The following SRGAP2 variants were observed in gnomAD, a reference collection of about 807,000 sequenced individuals.
The protein encoded by SRGAP2 is SLIT-ROBO Rho GTPase activating protein 2.
Under a neutral mutation model 57.2 loss-of-function variants are expected in SRGAP2, and 15 were observed. The ratio of observed to expected loss-of-function variants is 0.26; its 90% confidence interval spans 0.18 to 0.40. The LOEUF (loss-of-function observed/expected upper bound fraction) is 0.40, where lower values mean the gene tolerates loss of function less well. Among genes scored for constraint, SRGAP2 ranks in the 10% least tolerant of loss-of-function variants. The pLI is 1.00. For missense variants in SRGAP2, 520 were observed against 669.6 expected, an observed-to-expected ratio of 0.78 and a Z score of 2.47; for synonymous variants, 249 against 248.0, an observed-to-expected ratio of 1.00 and a Z score of -0.04.
At chr1:206,357,154 G>C (rs1334595426) in intron 4 of SRGAP2, among the ~76,000 whole-genome samples, 1 of 146,020 alleles carries the variant, frequency 6.8e-6, no homozygotes, top group Non-Finnish European at 1.5e-5. Context: ...TTTTATTTCA[G>C]TTTTCCTTTA....
chr1:206,411,755 G>C (rs1659245149), intron 10 of SRGAP2, among the ~76,000 whole-genome samples: 1 of 152,152 alleles, frequency 6.6e-6, no homozygotes, highest in Admixed American at 6.5e-5. Context: ...AAAGGGAAGA[G>C]GTTTTTAAAA....
Position 206,346,980 on chromosome 1 carries a change from G to A in SRGAP2, c.423+3972G>A, listed in dbSNP as rs200736504. On this transcript the variant is annotated intron_variant, in intron 4 of 22. Coordinates refer to ENST00000573034, the MANE Select transcript of SRGAP2 (RefSeq NM_015326.5). The stretch of plus-strand genomic sequence containing the variant: ...AAGCAGGCCAGGCACAGTGGCTCAA[G>A]CCTGTAATCCCAGCCCTTTGGGAGG... Among the ~76,000 whole-genome samples, 95 of 151,298 alleles carry A rather than the reference G, an allele frequency of 6.3e-4. 2 individuals are homozygous for A. In the East Asian group the frequency reaches 0.017, roughly 27 times the overall value.
chr1:206,242,267 GTTGTAC>G (rs1668283168), intron 2 of SRGAP2, among the ~76,000 whole-genome samples: 1 of 151,256 alleles, frequency 6.6e-6, no homozygotes, highest in Non-Finnish European at 1.5e-5. Flanking sequence ...TGATGGTTCT[GTTGTAC>G]TTGTAAGGAA....
chr1:206,278,415 G>C (rs1670544171), intron 2 of SRGAP2, among the ~76,000 whole-genome samples: 1 of 137,290 alleles, frequency 7.3e-6, no homozygotes, highest in Admixed American at 7.4e-5. Flanking sequence ...GTGGCACCAT[G>C]ATAGCTCATT....
At position 206,414,406 on chromosome 1, in the gene SRGAP2, A is replaced by C. The variant is rs1271975895; in HGVS notation, c.1357-1483A>C. On this transcript the variant is annotated intron_variant, in intron 10 of 22. Transcript: ENST00000573034. ...CCATGAAATCAAAGGTTTGATGTAT[A>C]ATTATATGTTTTACTTAATATACAT... 5.9e-5 allele frequency among the ~76,000 whole-genome samples: 9 copies of C among 152,292 alleles called. No homozygotes were observed. In the East Asian group the frequency reaches 1.5e-3, roughly 26 times the overall value.
At chr1:206,364,510 A>G (rs1276957132) in intron 4 of SRGAP2, among the ~76,000 whole-genome samples, 1 of 152,128 alleles carries the variant, frequency 6.6e-6, no homozygotes, top group Non-Finnish European at 1.5e-5. Context: ...TATGTTGGCC[A>G]GGCTAGTCTC....
intron 2 of SRGAP2, among the ~76,000 whole-genome samples, chr1:206,278,058 T>A (rs1324778384): frequency 6.6e-6 from 1 of 152,098 alleles, no homozygotes; most frequent in East Asian, 1.9e-4. Flanking sequence ...GATATACTTA[T>A]ATGTTTTACA....
At chr1:206,430,269 G>T (rs781802461) in intron 14 of SRGAP2, 47 bp downstream of exon 14, 3 of 779,306 alleles carry the variant, frequency 3.8e-6, no homozygotes, top group Admixed American at 3.4e-5. Flanking sequence ...AGATTGGGAA[G>T]AACTTCCAGG....
At chr1:206,432,305 G>C (rs1216984006) in intron 14 of SRGAP2, among the ~76,000 whole-genome samples, 1 of 152,150 alleles carries the variant, frequency 6.6e-6, no homozygotes, top group Admixed American at 6.6e-5. Context: ...GGGGAAACAG[G>C]CACATTTATA....
intron 5 of SRGAP2, among the ~76,000 whole-genome samples, chr1:206,386,824 A>C (rs1656323780): frequency 6.8e-6 from 1 of 146,474 alleles, no homozygotes; most frequent in Non-Finnish European, 1.5e-5. Context: ...AAAGGAAAAA[A>C]AGAGAAAGTT....
intron 2 of SRGAP2, among the ~76,000 whole-genome samples, chr1:206,250,289 G>A (rs1278855856): frequency 4.0e-5 from 6 of 151,778 alleles, no homozygotes; most frequent in Non-Finnish European, 8.8e-5. Context: ...CAGTCATAAA[G>A]CTATAGGGGT....
At chr1:206,423,739 G>A (rs1048042282) in intron 13 of SRGAP2, among the ~76,000 whole-genome samples, 33 of 151,030 alleles carry the variant, frequency 2.2e-4, no homozygotes, top group African/African-American at 7.5e-4. Context: ...AATTATGCCA[G>A]ATAATGCATA....
At chr1:206,314,168 C>CTTG (rs1307556561) in intron 3 of SRGAP2, among the ~76,000 whole-genome samples, 1 of 143,520 alleles carries the variant, frequency 7.0e-6, no homozygotes, top group Non-Finnish European at 1.5e-5. Flanking sequence ...GAGTTTCGCT[C>CTTG]TTGTTGCCCA....
chr1:206,374,019 C>CTTTTTTTT (rs56021600), intron 4 of SRGAP2, among the ~76,000 whole-genome samples: 4 of 77,004 alleles, frequency 5.2e-5, no homozygotes, highest in Admixed American at 1.7e-4. Context: ...GATACACATT[C>CTTTTTTTT]TTTTTTTTTT....
At chr1:206,421,378 A>C in intron 13 of SRGAP2, 104 bp downstream of exon 13, 1 of 546,344 alleles carries the variant, frequency 1.8e-6, no homozygotes, top group Non-Finnish European at 3.3e-6. Context: ...CTCTGACTTC[A>C]TGCCTGCATT....
At chr1:206,253,817 T>G (rs1350507865) in intron 2 of SRGAP2, among the ~76,000 whole-genome samples, 31 of 151,764 alleles carry the variant, frequency 2.0e-4, no homozygotes, top group Middle Eastern at 3.4e-3. Flanking sequence ...TCCTTTTTTT[T>G]TTTTGTTTTA....
chr1:206,356,469 A>G (rs553510121), intron 4 of SRGAP2, among the ~76,000 whole-genome samples: 6 of 151,744 alleles, frequency 4.0e-5, no homozygotes, highest in African/African-American at 1.5e-4. Flanking sequence ...AAGCTAAAGA[A>G]CCAGTGCTTG....
chr1:206,303,657 A>G (rs1309177705), intron 3 of SRGAP2, among the ~76,000 whole-genome samples, 184 bp downstream of exon 3: 2 of 152,180 alleles, frequency 1.3e-5, no homozygotes, highest in African/African-American at 4.8e-5. Context: ...TTTCGTAGAG[A>G]TGAGAGTAGA....
chr1:206,453,593 C>T (rs1287126019), intron 20 of SRGAP2: 1 of 329,896 alleles, frequency 3.0e-6, no homozygotes. Context: ...TCTCCACTAT[C>T]TGTGCCCCCT....
Sources: gnomAD v4.1 joint callset for allele counts (sites outside exome capture counted in the v4.1 genomes callset) on GRCh38, gnomAD v4.1.1 for gene constraint, MANE v1.5 for transcripts, NCBI Gene and HGNC (gene_info 2026-07-23, HGNC 2026-07-21) for gene names.